Variants in TTC34 observed in about 807,000 individuals in gnomAD.
The protein encoded by TTC34 is tetratricopeptide repeat domain 34.
A neutral mutation model predicts 40.7 loss-of-function variants in TTC34; 44 were observed. The ratio of observed to expected loss-of-function variants is 1.08; its 90% CI spans 0.85 to 1.39. The LOEUF (loss-of-function observed/expected upper bound fraction) is 1.39. Ranked by LOEUF, TTC34 falls within the 40% of genes most tolerant of loss-of-function variation. The pLI is 0.00. For synonymous variants in TTC34, 422 were observed against 398.6 expected (o/e 1.06, Z -0.70); for missense variants, 884 against 838.0 (o/e 1.05, Z -0.68).
intron 6 of TTC34, among the ~76,000 whole-genome samples, chr1:2,675,230 A>G (rs1432128415): frequency 2.0e-5 from 3 of 147,094 alleles, no homozygotes; most frequent in African/African-American, 2.5e-5. Context: ...AGCCTGGAAC[A>G]GCACCCACAA....
At chr1:2,637,658 C>T (rs1233499244) in exon 9 of TTC34, 1 of 152,194 alleles carries the variant, frequency 6.6e-6, no homozygotes, top group Non-Finnish European at 1.5e-5. Context: ...TGACCACAAC[C>T]ACGAGGGCTG....
intron 6 of TTC34, among the ~76,000 whole-genome samples, chr1:2,753,259 A>G (rs1641386374): frequency 9.3e-5 from 11 of 118,800 alleles, no homozygotes; most frequent in African/African-American, 1.4e-4. Flanking sequence ...CCCACACCCC[A>G]GGTGAGCATC....
At chr1:2,753,419 C>A (rs1197763526) in intron 6 of TTC34, among the ~76,000 whole-genome samples, 2 of 64,770 alleles carry the variant, frequency 3.1e-5, no homozygotes, top group Non-Finnish European at 5.6e-5. Flanking sequence ...CCCACACCCA[C>A]AGGTGAGCAT....
chr1:2,751,318 A>T (rs1178082232), intron 6 of TTC34, among the ~76,000 whole-genome samples: 1 of 62,832 alleles, frequency 1.6e-5, no homozygotes, highest in Non-Finnish European at 3.3e-5. Flanking sequence ...CGTGGAGCAG[A>T]ACAAACACCC....
intron 6 of TTC34, among the ~76,000 whole-genome samples, chr1:2,683,183 A>G (rs1239620716): frequency 7.7e-6 from 1 of 130,474 alleles, no homozygotes; most frequent in East Asian, 2.3e-4. Context: ...CTGGAGCGGA[A>G]CCCACGGCCA....
At chr1:2,649,752 G>T (rs1639088934) in intron 6 of TTC34, among the ~76,000 whole-genome samples, 1 of 152,108 alleles carries the variant, frequency 6.6e-6, no homozygotes, top group South Asian at 2.1e-4. Context: ...AACTCCTGGT[G>T]ATCCACCCAC....
At chr1:2,683,611 C>T (rs1195153504) in intron 6 of TTC34, among the ~76,000 whole-genome samples, 1 of 141,362 alleles carries the variant, frequency 7.1e-6, no homozygotes, top group Non-Finnish European at 1.5e-5. Flanking sequence ...GAGCATCTGA[C>T]ATCCTTCAGC....
chr1:2,800,215 C>T (rs1643756592), exon 2 of TTC34: 3 of 398,514 alleles, frequency 7.5e-6, no homozygotes, highest in Middle Eastern at 1.3e-3. Flanking sequence ...TGCTGGCCGG[C>T]ACTGTGCCCA....
At chr1:2,677,791 C>CTG (rs1557602023) in intron 6 of TTC34, among the ~76,000 whole-genome samples, 187 of 6,186 alleles carry the variant, frequency 0.03, 1 homozygote, top group South Asian at 0.048. Context: ...AGCATCTGAC[C>CTG]GCATCACATG....
At chr1:2,692,457 C>A (rs1319003650) in intron 6 of TTC34, among the ~76,000 whole-genome samples, 4 of 122,470 alleles carry the variant, frequency 3.3e-5, no homozygotes, top group Admixed American at 8.4e-5. Context: ...TGGAGCAGCA[C>A]CCACACCCCC....
At chr1:2,683,340 A>G (rs1165059689) in intron 6 of TTC34, among the ~76,000 whole-genome samples, 1 of 144,830 alleles carries the variant, frequency 6.9e-6, no homozygotes, top group African/African-American at 2.6e-5. Context: ...AGACTGGAAC[A>G]CCACCCTGCA....
chr1:2,786,553 G>C (rs1248881595), intron 4 of TTC34, among the ~76,000 whole-genome samples: 1 of 152,172 alleles, frequency 6.6e-6, no homozygotes, highest in African/African-American at 2.4e-5. Context: ...CAGGGTTCCC[G>C]AGCCTAGGAC....
intron 6 of TTC34, among the ~76,000 whole-genome samples, chr1:2,652,399 C>T (rs868320856): frequency 7.6e-5 from 10 of 132,092 alleles, no homozygotes; most frequent in East Asian, 2.1e-4. Flanking sequence ...TGGAGCAGCA[C>T]GCACACCCCC....
intron 6 of TTC34, among the ~76,000 whole-genome samples, chr1:2,657,467 G>A (rs1160493677): frequency 1.1e-5 from 1 of 91,446 alleles, no homozygotes; most frequent in African/African-American, 3.4e-5. Flanking sequence ...ACGCCCCCAG[G>A]CGAGCATCTG....
chr1:2,780,578 T>A (rs141196312), intron 6 of TTC34, among the ~76,000 whole-genome samples: 43 of 152,174 alleles, frequency 2.8e-4, no homozygotes, highest in African/African-American at 9.9e-4. Flanking sequence ...TATGGGAGGG[T>A]TCATTTCTGG....
intron 6 of TTC34, among the ~76,000 whole-genome samples, chr1:2,747,634 C>T (rs1641195929): frequency 6.9e-6 from 1 of 144,638 alleles, no homozygotes; most frequent in Non-Finnish European, 1.5e-5. Context: ...CAGCACCCTG[C>T]ACCCCCAGGT....
chr1:2,788,711 C>A (rs1379027346), intron 3 of TTC34, among the ~76,000 whole-genome samples: 1 of 152,238 alleles, frequency 6.6e-6, no homozygotes, highest in East Asian at 1.9e-4. Context: ...CTACAAGTGG[C>A]GGCGCTTCCT....
chr1:2,644,231 TG>T lies in TTC34; in HGVS notation c.2712+32del, dbSNP rs1489706743. ...CTCATGCCTGTGTGCTGGGGAAGGT[TG>T]GGGTGGGAGATCTGTGGGGTTCTTT... On this transcript the variant is annotated intron_variant, in intron 8 of 8. Coordinates refer to ENST00000401095, the Ensembl canonical transcript of TTC34. 3 of 1,517,362 alleles carry T rather than the reference TG, an allele frequency of 2.0e-6. No individual in the cohort carries two copies. In the African/African-American group the frequency reaches 4.1e-5, roughly 21 times the overall value. The allele number at this position is 1,517,362 out of a possible 1,614,324, so 94.0% of individuals were successfully genotyped here.
At chr1:2,768,421 C>A (rs1391383510) in intron 6 of TTC34, among the ~76,000 whole-genome samples, 1 of 151,882 alleles carries the variant, frequency 6.6e-6, no homozygotes, top group Non-Finnish European at 1.5e-5. Context: ...CCTCCACCCC[C>A]AGGTGAGCAT....
Sources: allele counts gnomAD v4.1 joint callset (sites outside exome capture counted in the v4.1 genomes callset), GRCh38; gene constraint gnomAD v4.1.1; transcripts MANE v1.5; gene names NCBI Gene and HGNC (gene_info 2026-07-23, HGNC 2026-07-21).